MAP3K20: variants seen among roughly 807,000 people sequenced by gnomAD.
MAP3K20 encodes HCCS-4.
In MAP3K20, 40 loss-of-function variants were observed where a neutral mutation model predicts 85.7. That is an observed-to-expected ratio of 0.47 (90% confidence interval 0.36 to 0.61). The LOEUF (loss-of-function observed/expected upper bound fraction) is 0.61, where lower values mean the gene tolerates loss of function less well. Among genes scored for constraint, MAP3K20 ranks in the 20% least tolerant of loss-of-function variants. The probability of loss-of-function intolerance (pLI) is 0.00; values close to 1 mark genes in which losing one functional copy is unlikely to be tolerated. For missense variants in MAP3K20, 817 were observed against 961.7 expected, an observed-to-expected ratio of 0.85 and a Z score of 1.99; for synonymous variants, 325 against 327.7, an observed-to-expected ratio of 0.99 and a Z score of 0.09.
chr2:173,108,951 A>G (rs1687863206), intron 2 of MAP3K20, among the ~76,000 whole-genome samples: 1 of 152,214 alleles, frequency 6.6e-6, no homozygotes, highest in South Asian at 2.1e-4. Flanking sequence ...TCTGTTTTGT[A>G]CAGATTGGCA....
intron 2 of MAP3K20, among the ~76,000 whole-genome samples, chr2:173,159,399 CTTCTT>C (rs1689580591): frequency 1.6e-5 from 1 of 60,864 alleles, no homozygotes. Flanking sequence ...TCCTTCCTTC[CTTCTT>C]TTTTTTTTTT....
rs1211191238 is a variant in MAP3K20, at chr2:173,242,793, G to A, written c.1359+3297G>A. On this transcript the variant is annotated intron_variant, in intron 16 of 19. Transcript: ENST00000375213. ...GCAATCTCGGCTCACTGCAACCTCCGCCTCCCAGGTTCAAGCAATTCTCCT... is the reference window on the plus strand; with the variant it reads ...GCAATCTCGGCTCACTGCAACCTCCACCTCCCAGGTTCAAGCAATTCTCCT... Among the ~76,000 whole-genome samples the A allele has an allele frequency of 5.2e-5, 7 of 134,296 alleles. No homozygotes were observed. In the South Asian group the frequency reaches 1.0e-3, roughly 20 times the overall value. The allele number at this position is 134,296 out of a possible 152,430, so 88.1% of individuals were successfully genotyped here.
rs1013164229 is a variant in MAP3K20 at position 173,229,627 on chromosome 2, G to A, written c.988-62G>A. 7.5e-6 allele frequency: 12 copies of A among 1,603,436 alleles called. No homozygotes were observed. In the African/African-American group the frequency reaches 1.6e-4, roughly 21 times the overall value. On this transcript the variant is annotated intron_variant, in intron 11 of 19. Transcript: ENST00000375213. ...AGCTGAAAGAGTGAGACAAGAGGAT[G>A]AACCAAAAAGACAATGATAATATTA...
chr2:173,154,253 G>A (rs1005670384), intron 2 of MAP3K20, among the ~76,000 whole-genome samples: 6 of 152,020 alleles, frequency 3.9e-5, no homozygotes, highest in South Asian at 2.1e-4. Flanking sequence ...GCATGATCTC[G>A]GCTCACTGCA....
At chr2:173,240,004 T>C (rs1684744500) in intron 16 of MAP3K20, among the ~76,000 whole-genome samples, 1 of 152,232 alleles carries the variant, frequency 6.6e-6, no homozygotes, top group Admixed American at 6.5e-5. Context: ...AGGTAGCCTG[T>C]GAATTAGAAT....
At chr2:173,191,019 C>A (rs1690633196) in intron 6 of MAP3K20, 21 bp from the exon 7 acceptor site, 2 of 1,612,786 alleles carry the variant, frequency 1.2e-6, no homozygotes, top group African/African-American at 2.7e-5. Flanking sequence ...AGAAAGTTGA[C>A]ACTGATTCCT....
chr2:173,209,657 G>A, intron 9 of MAP3K20, 72 bp from the exon 10 acceptor site: 4 of 1,254,068 alleles, frequency 3.2e-6, no homozygotes, highest in Non-Finnish European at 3.4e-6. Context: ...TATGCTTGTA[G>A]TATCTACGTT....
chr2:173,238,273 G>A (rs1175620969), intron 14 of MAP3K20, 100 bp from the exon 15 acceptor site: 11 of 972,872 alleles, frequency 1.1e-5, no homozygotes, highest in Non-Finnish European at 1.7e-5. Flanking sequence ...GATATTTTAT[G>A]AACTAGGTAA....
intron 2 of MAP3K20, among the ~76,000 whole-genome samples, chr2:173,128,191 C>T (rs1247238677): frequency 6.6e-6 from 1 of 152,160 alleles, no homozygotes; most frequent in African/African-American, 2.4e-5. Context: ...CTCCTTCATG[C>T]CTTCTCCAGT....
At chr2:173,210,294 G>C (rs193215774) in intron 10 of MAP3K20, 1 of 161,980 alleles carries the variant, frequency 6.2e-6, no homozygotes, top group African/African-American at 2.4e-5. Flanking sequence ...AGAGGTTGCA[G>C]TGAGCCGAGA....
intron 1 of MAP3K20, among the ~76,000 whole-genome samples, chr2:173,082,656 C>T (rs1204527061): frequency 6.6e-6 from 1 of 152,330 alleles, no homozygotes; most frequent in East Asian, 1.9e-4. Flanking sequence ...CCAGTCCTGA[C>T]ACCTGTGAAT....
At chr2:173,082,501 T>G (rs1344710890) in intron 1 of MAP3K20, among the ~76,000 whole-genome samples, 1 of 152,224 alleles carries the variant, frequency 6.6e-6, no homozygotes, top group African/African-American at 2.4e-5. Flanking sequence ...CAGGATGGTC[T>G]GATACTTTCT....
At chr2:173,258,050 T>C (rs746081010) in intron 16 of MAP3K20, among the ~76,000 whole-genome samples, 17 of 152,224 alleles carry the variant, frequency 1.1e-4, no homozygotes, top group Non-Finnish European at 1.9e-4. Flanking sequence ...ACTGGGCTCA[T>C]ATTTCCACAT....
intron 12 of MAP3K20, among the ~76,000 whole-genome samples, chr2:173,231,717 C>A (rs1319749317): frequency 6.6e-6 from 1 of 152,190 alleles, no homozygotes; most frequent in Non-Finnish European, 1.5e-5. Flanking sequence ...CCAATCTCCT[C>A]ATTCTACATA....
intron 3 of MAP3K20, among the ~76,000 whole-genome samples, chr2:173,182,271 A>C (rs1230700162): frequency 6.6e-6 from 1 of 152,200 alleles, no homozygotes; most frequent in Non-Finnish European, 1.5e-5. Context: ...TAGTGATGGA[A>C]AGGTTCTAAG....
chr2:173,078,260 AAGAT>A (rs1686920717), intron 1 of MAP3K20, among the ~76,000 whole-genome samples: 1 of 152,330 alleles, frequency 6.6e-6, no homozygotes, highest in East Asian at 1.9e-4. Context: ...TTCTTGGAAT[AAGAT>A]AGCCCTATGT....
intron 16 of MAP3K20, among the ~76,000 whole-genome samples, chr2:173,239,787 G>C (rs1427288435): frequency 6.6e-6 from 1 of 152,164 alleles, no homozygotes; most frequent in Non-Finnish European, 1.5e-5. Context: ...ACCAGACTGT[G>C]TATACCACTC....
chr2:173,129,130 T>C (rs746360605), intron 2 of MAP3K20, among the ~76,000 whole-genome samples: 5 of 152,040 alleles, frequency 3.3e-5, no homozygotes, highest in South Asian at 2.1e-4. Context: ...GGTTTCACCA[T>C]GTTGGCCAGG....
At chr2:173,119,408 CT>C (rs772823770) in intron 2 of MAP3K20, among the ~76,000 whole-genome samples, 13 of 152,216 alleles carry the variant, frequency 8.5e-5, no homozygotes, top group Non-Finnish European at 1.8e-4. Flanking sequence ...GTCAGTACCA[CT>C]GGGCTTTGTA....
Sources: gnomAD v4.1 joint callset for allele counts (sites outside exome capture counted in the v4.1 genomes callset) on GRCh38, gnomAD v4.1.1 for gene constraint, MANE v1.5 for transcripts, NCBI Gene and HGNC (gene_info 2026-07-23, HGNC 2026-07-21) for gene names.